Variants in AGAP1 observed in about 807,000 individuals in gnomAD.
AGAP1 encodes arf-GAP with GTPase, ANK repeat and PH domain-containing protein 1.
Under a neutral mutation model 105.3 loss-of-function variants are expected in AGAP1, and 29 were observed. That is an observed-to-expected ratio of 0.28 (90% CI 0.21 to 0.38). The LOEUF (loss-of-function observed/expected upper bound fraction) is 0.38. AGAP1 is among the 10% of genes least tolerant of loss of function. AGAP1 has a pLI of 1.00. For missense variants in AGAP1, 998 were observed against 1,165.1 expected, an observed-to-expected ratio of 0.86 and a Z score of 2.09; for synonymous variants, 509 against 485.9, an observed-to-expected ratio of 1.05 and a Z score of -0.63.
rs1171482384 is a variant in AGAP1, at chr2:236,087,616, C to T, written c.2115-32576C>T. Reference sequence around the variant, plus strand: ...TTCTGAATCAGGCCCCTTGGTTAAGCGTGATAACATGATCACCTGGTGTTT... The same window carrying T: ...TTCTGAATCAGGCCCCTTGGTTAAGTGTGATAACATGATCACCTGGTGTTT... On this transcript the variant is annotated intron_variant, in intron 16 of 17. Coordinates refer to ENST00000304032, the MANE Select transcript of AGAP1 (RefSeq NM_001037131.3). This position sits in a 1 kb window ranked among gnomAD's most constrained non-coding sequence, Gnocchi z 5.7. Among the ~76,000 whole-genome samples, 1 of 152,138 alleles carries T rather than the reference C, an allele frequency of 6.6e-6. No homozygotes were observed. Among genetic ancestry groups the T allele is most frequent in the African/African-American group, 2.4e-5 (1 of 41,432 alleles).
At chr2:235,528,329 A>G (rs987136868) in intron 1 of AGAP1, among the ~76,000 whole-genome samples, 1 of 149,342 alleles carries the variant, frequency 6.7e-6, no homozygotes, top group African/African-American at 2.5e-5. Flanking sequence ...GGCTCCATCC[A>G]CCATCTGTGC....
rs1305075425 is a variant in AGAP1, at chr2:235,982,966, AT to A, written c.1645+14351del. On this transcript the variant is annotated intron_variant, in intron 13 of 17. Coordinates refer to ENST00000304032, the MANE Select transcript of AGAP1 (RefSeq NM_001037131.3). The surrounding 1 kb of genome is among the most constrained non-coding windows in gnomAD (Gnocchi z 4.9). ...TAGGCCAAATCCAGTTCTTATTTTAATTTTTTTTCCCAACCCCTAAAAAGCA... is the reference window on the plus strand; with the variant it reads ...TAGGCCAAATCCAGTTCTTATTTTAATTTTTTTCCCAACCCCTAAAAAGCA... 3.9e-5 allele frequency among the ~76,000 whole-genome samples: 6 copies of A among 151,910 alleles called. No individual in the cohort carries two copies. Among genetic ancestry groups the A allele is most frequent in the African/African-American group, 7.2e-5 (3 of 41,400 alleles).
At chr2:235,802,926 G>GA in intron 8 of AGAP1, among the ~76,000 whole-genome samples, 1 of 130,070 alleles carries the variant, frequency 7.7e-6, no homozygotes, top group South Asian at 2.7e-4. Flanking sequence ...GGTTGTGGTT[G>GA]TGGTTATGAT....
intron 13 of AGAP1, among the ~76,000 whole-genome samples, chr2:236,010,307 G>T (rs1357722698): frequency 1.3e-5 from 2 of 152,186 alleles, no homozygotes; most frequent in Non-Finnish European, 2.9e-5. Flanking sequence ...GAAAGACGTA[G>T]TAAGCTGCAC....
intron 1 of AGAP1, among the ~76,000 whole-genome samples, chr2:235,511,007 C>T (rs1294658477): frequency 6.6e-6 from 1 of 151,140 alleles, no homozygotes; most frequent in Non-Finnish European, 1.5e-5. Context: ...CGGGGGGCGG[C>T]GGTGTATGGC....
At chr2:235,802,979 T>TGTGATGGTGATGATGGTTGTGATG (rs1957608234) in intron 8 of AGAP1, among the ~76,000 whole-genome samples, 1 of 3,738 alleles carries the variant, frequency 2.7e-4, no homozygotes, top group African/African-American at 7.6e-4. Context: ...TGGTTGTGGT[T>TGTGATGGTGATGATGGTTGTGATG]GTGATGGTTG....
rs559581385 is a variant in AGAP1 at position 236,126,607 on chromosome 2, T to C, written c.*2485T>C. ...CAACCTGAATGCCAGATTGGTTTTT[T>C]CCCTTCCTGGCCCCCAGCACAAGCT... On this transcript the variant is annotated 3_prime_UTR_variant, in exon 18 of 18. Transcript: ENST00000304032. 2 of 152,306 alleles carry C rather than the reference T, an allele frequency of 1.3e-5. No homozygotes were observed. Among genetic ancestry groups the C allele is most frequent in the East Asian group, 3.9e-4 (2 of 5,178 alleles). The allele number at this position is 152,306 out of a possible 1,614,324, so 9.4% of individuals were successfully genotyped here.
rs1945703728 is a variant in AGAP1 at position 235,600,797 on chromosome 2, A to G, written c.163+105948A>G. Among the ~76,000 whole-genome samples, 1 of 152,040 alleles carries G rather than the reference A, an allele frequency of 6.6e-6. No homozygotes were observed. The highest frequency in any genetic ancestry group is 1.5e-5 in the Non-Finnish European group (1 of 68,008). ...TGGGTCTGCCTTCCCCAGCCCGTTG[A>G]CTCAAATGTTAATCTCCTTTGGCAG... On this transcript the variant is annotated intron_variant, in intron 1 of 17. Coordinates refer to ENST00000304032, the MANE Select transcript of AGAP1 (RefSeq NM_001037131.3). The surrounding 1 kb of genome is among the most constrained non-coding windows in gnomAD (Gnocchi z 4.8).
intron 1 of AGAP1, among the ~76,000 whole-genome samples, chr2:235,686,627 A>G (rs868240503): frequency 2.6e-4 from 10 of 38,150 alleles, no homozygotes; most frequent in African/African-American, 1.0e-3. Context: ...ATAGATATAT[A>G]TATATATATA....
rs951385427 is a variant in AGAP1, at chr2:235,553,605, G to T, written c.163+58756G>T. Among the ~76,000 whole-genome samples the T allele has an allele frequency of 1.3e-5, 2 of 152,052 alleles. No homozygotes were observed. The highest frequency in any genetic ancestry group is 6.5e-5 in the Admixed American group (1 of 15,268). On this transcript the variant is annotated intron_variant, in intron 1 of 17. Coordinates refer to ENST00000304032, the MANE Select transcript of AGAP1 (RefSeq NM_001037131.3). This position sits in a 1 kb window ranked among gnomAD's most constrained non-coding sequence, Gnocchi z 4.5. Reference sequence around the variant, plus strand: ...TCACATTTGGGGGTGTGGCATTTGTGCGTGAAGTGGAGCCTGGTCCCTGGT... The same window carrying T: ...TCACATTTGGGGGTGTGGCATTTGTTCGTGAAGTGGAGCCTGGTCCCTGGT...
intron 12 of AGAP1, among the ~76,000 whole-genome samples, chr2:235,966,336 G>A (rs887098027): frequency 2.6e-5 from 4 of 151,952 alleles, no homozygotes; most frequent in African/African-American, 9.7e-5. Context: ...TGGAGAGAGG[G>A]GAGCCTGTTC....
rs1170886326 is a variant in AGAP1, at chr2:235,754,392, G to A, written c.673+3904G>A. Among the ~76,000 whole-genome samples the A allele has an allele frequency of 6.6e-6, 1 of 151,276 alleles. No individual in the cohort carries two copies. The highest frequency in any genetic ancestry group is 1.5e-5 in the Non-Finnish European group (1 of 67,926). On this transcript the variant is annotated intron_variant, in intron 6 of 17. Coordinates refer to ENST00000304032, the MANE Select transcript of AGAP1 (RefSeq NM_001037131.3). The surrounding 1 kb of genome is among the most constrained non-coding windows in gnomAD (Gnocchi z 4.6). ...GGTAGAAAGAAAACATAAAGGAAAA[G>A]CGTGTAATTTCTACATAATGTTTGG...
chr2:235,903,428 G>GT (rs2051156518), intron 10 of AGAP1, among the ~76,000 whole-genome samples: 1 of 152,186 alleles, frequency 6.6e-6, no homozygotes, highest in African/African-American at 2.4e-5. Context: ...ATGCATTTCA[G>GT]TTTAGCTTTA....
At chr2:235,894,135 G>T (rs1163677443) in intron 10 of AGAP1, among the ~76,000 whole-genome samples, 2 of 152,194 alleles carry the variant, frequency 1.3e-5, no homozygotes, top group Non-Finnish European at 2.9e-5. Flanking sequence ...ACAAACCAAC[G>T]TTGCTGTTCT....
In AGAP1 at chr2:235,623,905, A is replaced by G. The variant is rs1262768349; in HGVS notation, c.164-85274A>G. On this transcript the variant is annotated intron_variant, in intron 1 of 17. Coordinates refer to ENST00000304032, the MANE Select transcript of AGAP1 (RefSeq NM_001037131.3). The surrounding 1 kb of genome is among the most constrained non-coding windows in gnomAD (Gnocchi z 4.5). ...TGTTTCCATTTTCAAGATGATTCCA[A>G]TTTGAGCTGTCTCCTGGAGAAGTTG... 6.6e-6 allele frequency among the ~76,000 whole-genome samples: 1 copy of G among 152,170 alleles called. No individual in the cohort carries two copies. The highest frequency in any genetic ancestry group is 2.4e-5 in the African/African-American group (1 of 41,448).
intron 9 of AGAP1, among the ~76,000 whole-genome samples, chr2:235,861,527 G>T (rs12473014): frequency 0.23 from 35,550 of 152,156 alleles, 4,937 homozygotes; most frequent in East Asian, 0.38. Flanking sequence ...ACATTTGGTG[G>T]AAATGAAACA....
intron 1 of AGAP1, among the ~76,000 whole-genome samples, chr2:235,704,976 T>C (rs1472716739): frequency 1.6e-5 from 2 of 124,790 alleles, no homozygotes; most frequent in African/African-American, 3.0e-5. Context: ...TTTCTTTTTT[T>C]TTTTTTTTTT....
intron 1 of AGAP1, among the ~76,000 whole-genome samples, chr2:235,533,109 G>A (rs1219058703): frequency 2.0e-5 from 3 of 152,206 alleles, no homozygotes; most frequent in Non-Finnish European, 2.9e-5. Flanking sequence ...TCATGACCGC[G>A]TTGAGTTAGG....
rs1951601973 is a variant in AGAP1 at position 235,725,564 on chromosome 2, A to G, written c.310+7920A>G. Among the ~76,000 whole-genome samples, 1 of 151,980 alleles carries G rather than the reference A, an allele frequency of 6.6e-6. No homozygotes were observed. The highest frequency in any genetic ancestry group is 1.5e-5 in the Non-Finnish European group (1 of 67,996). ...TAACATTTGACTAGTCGTGAAATCT[A>G]GCCATTTAGATTTTTCAACCTCAAT... On this transcript the variant is annotated intron_variant, in intron 3 of 17. Transcript: ENST00000304032. This position sits in a 1 kb window ranked among gnomAD's most constrained non-coding sequence, Gnocchi z 5.7.
Sources: gnomAD v4.1 joint callset for allele counts (sites outside exome capture counted in the v4.1 genomes callset) on GRCh38, gnomAD v4.1.1 for gene constraint, Gnocchi (gnomAD v3.1) non-coding constraint, MANE v1.5 for transcripts, NCBI Gene and HGNC (gene_info 2026-07-23, HGNC 2026-07-21) for gene names.